Variants in SRSF11 observed in about 807,000 individuals in gnomAD.
SRSF11 encodes the protein serine/arginine-rich splicing factor 11.
A neutral mutation model predicts 56.0 loss-of-function variants in SRSF11; 9 were observed. That is an observed-to-expected ratio of 0.16 (90% CI 0.10 to 0.28). The LOEUF is 0.28. SRSF11 is among the 10% of genes least tolerant of loss of function. The pLI, the probability that SRSF11 is intolerant of heterozygous loss-of-function variation, is 1.00. For synonymous variants in SRSF11, 222 were observed against 215.3 expected (o/e 1.03, Z -0.27); for missense variants, 421 against 600.7 (o/e 0.70, Z 3.13).
chr1:70,230,048 CAT>C, intron 2 of SRSF11: 4 of 985,290 alleles, frequency 4.1e-6, no homozygotes, highest in Non-Finnish European at 4.8e-6. Flanking sequence ...AGGGTCAAAT[CAT>C]GTGAGTAATA....
At chr1:70,224,299 T>C (rs1410872026) in intron 1 of SRSF11, among the ~76,000 whole-genome samples, 1 of 152,110 alleles carries the variant, frequency 6.6e-6, no homozygotes, top group African/African-American at 2.4e-5. Flanking sequence ...CTGTAACTCT[T>C]TTTCCCCTAG....
At chr1:70,244,845 A>G (rs1221066080) in intron 8 of SRSF11, 30 bp downstream of exon 8, 1 of 1,612,458 alleles carries the variant, frequency 6.2e-7, no homozygotes, top group Non-Finnish European at 8.5e-7. Flanking sequence ...AGCAAATTTT[A>G]GGGTTCCCAG....
chr1:70,209,696 G>T (rs917836386), intron 1 of SRSF11, among the ~76,000 whole-genome samples: 1 of 131,762 alleles, frequency 7.6e-6, no homozygotes, highest in Non-Finnish European at 1.5e-5. Context: ...AGAGATCCTC[G>T]CATCTCAGCC....
intron 7 of SRSF11, among the ~76,000 whole-genome samples, chr1:70,240,832 AT>A (rs1157384902): frequency 6.8e-6 from 1 of 148,028 alleles, no homozygotes; most frequent in Non-Finnish European, 1.5e-5. Flanking sequence ...CTGGAGTGCA[AT>A]GGCACGATCT....
chr1:70,246,809 A>G lies in SRSF11; in HGVS notation c.933-9A>G. ...TCTAATGCATTCATAAATTGTGTTC[A>G]TTTGTTAGAGACAAAAAGAAAGAAG... is the stretch of plus-strand genomic sequence containing the variant. On this transcript the variant is annotated splice_polypyrimidine_tract_variant and intron_variant, in intron 8 of 11. Coordinates refer to ENST00000370949, the MANE Select transcript of SRSF11 (RefSeq NM_001350605.2). 3 of 1,594,616 alleles carry G rather than the reference A, an allele frequency of 1.9e-6. No individual in the cohort carries two copies. Among genetic ancestry groups the G allele is most frequent in the Non-Finnish European group, 8.6e-7 (1 of 1,169,080 alleles).
chr1:70,222,985 T>G (rs750428125), intron 1 of SRSF11, among the ~76,000 whole-genome samples: 3 of 152,218 alleles, frequency 2.0e-5, no homozygotes, highest in Non-Finnish European at 4.4e-5. Context: ...GAGGATTTAC[T>G]TAGTTTGCAT....
At position 70,236,205 on chromosome 1, in the gene SRSF11, A is replaced by G. The variant is rs555950748; in HGVS notation, c.590+655A>G. Among the ~76,000 whole-genome samples the G allele has an allele frequency of 1.1e-4, 16 of 152,302 alleles. No homozygotes were observed. The South Asian group carries it at 3.3e-3, about 32-fold the overall frequency. On this transcript the variant is annotated intron_variant, in intron 5 of 11. Coordinates refer to ENST00000370949, the MANE Select transcript of SRSF11 (RefSeq NM_001350605.2). ...AGCATGTACCCATCACCCAGCTTAT[A>G]AAATAAAATAATACCAATACAGTTG...
At position 70,225,437 on chromosome 1, in the gene SRSF11, T is replaced by G. The variant is rs144571614; in HGVS notation, c.204-2985T>G. 2.6e-5 allele frequency among the ~76,000 whole-genome samples: 4 copies of G among 152,284 alleles called. No individual in the cohort carries two copies. In the South Asian group the frequency reaches 6.2e-4, roughly 24 times the overall value. ...CAAGTTTTCAGGTTAATGTCGTCTT[T>G]GTCACACACCTCCTTTTGTGGGTTG... On this transcript the variant is annotated intron_variant, in intron 1 of 11. Transcript: ENST00000370949.
chr1:70,209,735 C>G (rs941756279), intron 1 of SRSF11, among the ~76,000 whole-genome samples: 1 of 115,940 alleles, frequency 8.6e-6, no homozygotes, highest in Non-Finnish European at 1.7e-5. Flanking sequence ...AAAAGCACCT[C>G]GCTTCTTTTT....
chr1:70,205,849 CCTTCTCCT>C (rs1240263664), intron 1 of SRSF11: 5 of 238,920 alleles, frequency 2.1e-5, no homozygotes, highest in Non-Finnish European at 4.0e-5. Context: ...GCGACTCCAA[CCTTCTCCT>C]CTGTGCTTCC....
chr1:70,244,658 G>A (rs1238153985), intron 7 of SRSF11, 26 bp from the exon 8 acceptor site: 4 of 1,607,588 alleles, frequency 2.5e-6, no homozygotes, highest in East Asian at 2.2e-5. Context: ...TTATACACAT[G>A]TATTGGCTTC....
intron 4 of SRSF11, 39 bp downstream of exon 4, chr1:70,234,827 CAGA>C: frequency 1.3e-6 from 2 of 1,494,972 alleles, no homozygotes; most frequent in Non-Finnish European, 1.8e-6. Context: ...CCCATTTTTA[CAGA>C]AGATCTGTTT....
At chr1:70,214,696 T>G (rs1186769612) in intron 1 of SRSF11, among the ~76,000 whole-genome samples, 1 of 152,150 alleles carries the variant, frequency 6.6e-6, no homozygotes, top group Non-Finnish European at 1.5e-5. Context: ...TTCTTTTGTC[T>G]GTCAGTCAGT....
At chr1:70,212,846 T>A (rs1237677673) in intron 1 of SRSF11, among the ~76,000 whole-genome samples, 2 of 152,104 alleles carry the variant, frequency 1.3e-5, no homozygotes, top group East Asian at 3.9e-4. Flanking sequence ...CTGGTGGGAA[T>A]TCAAGACCAG....
At position 70,250,361 on chromosome 1, in the gene SRSF11, C is replaced by T. The variant is rs779877948; in HGVS notation, c.1119-4C>T. 3 of 1,608,898 alleles carry T rather than the reference C, an allele frequency of 1.9e-6. No homozygotes were observed. Among genetic ancestry groups the T allele is most frequent in the South Asian group, 1.1e-5 (1 of 90,016 alleles). On this transcript the variant is annotated splice_region_variant and splice_polypyrimidine_tract_variant and intron_variant, in intron 10 of 11. Coordinates refer to ENST00000370949, the MANE Select transcript of SRSF11 (RefSeq NM_001350605.2). ...TGTTGCTGTACATTTTACTGTCATT[C>T]TAGACATAAAAAGGAGAAGAAGAAA...
Position 70,246,874 on chromosome 1 carries a change from A to T in SRSF11, c.989A>T (p.Tyr330Phe). Residue 330 changes from tyrosine to phenylalanine, a missense_variant, in exon 9 of 12, where the codon TAC becomes TTC. Around this residue, in one of 2 missense-constraint regions of SRSF11, gnomAD observed 253 missense variants for 305.8 expected, o/e 0.83. Coordinates refer to ENST00000370949, the MANE Select transcript of SRSF11 (RefSeq NM_001350605.2). Reference protein sequence around the residue: ...KKRSKTPPKSYSTARRSRSAS... With the variant: ...KKRSKTPPKSFSTARRSRSAS... ...CGTTCTAAAACACCACCAAAAAGTT[A>T]CAGCACAGCCAGACGTTCTAGAAGT... 6.2e-7 allele frequency: 1 copy of T among 1,610,720 alleles called. No homozygotes were observed. The highest frequency in any genetic ancestry group is 8.5e-7 in the Non-Finnish European group (1 of 1,178,614).
intron 8 of SRSF11, among the ~76,000 whole-genome samples, chr1:70,246,486 G>A (rs1482709213): frequency 6.6e-6 from 1 of 152,050 alleles, no homozygotes; most frequent in Non-Finnish European, 1.5e-5. Context: ...GTGGTAATCA[G>A]CTGAGAGAAA....
At chr1:70,235,387 A>C in intron 4 of SRSF11, 114 bp from the exon 5 acceptor site, 1 of 835,134 alleles carries the variant, frequency 1.2e-6, no homozygotes, top group Non-Finnish European at 1.8e-6. Flanking sequence ...TAAAAAATTT[A>C]TGTTTCATGG....
chr1:70,216,886 G>C (rs904581793), upstream of SRSF11, among the ~76,000 whole-genome samples: 1 of 152,108 alleles, frequency 6.6e-6, no homozygotes, highest in African/African-American at 2.4e-5. Context: ...GTCTCTCTCT[G>C]AAGTATAAAC....
Sources: allele counts gnomAD v4.1 joint callset (sites outside exome capture counted in the v4.1 genomes callset), GRCh38; gene constraint gnomAD v4.1.1; regional missense constraint gnomAD v4.1.1; transcripts MANE v1.5; gene names NCBI Gene and HGNC (gene_info 2026-07-23, HGNC 2026-07-21).